The following SOX6 variants were observed in gnomAD, a reference collection of about 807,000 sequenced individuals.
SOX6 encodes SRY-box transcription factor 6, also known as transcription factor SOX-6.
A neutral mutation model predicts 97.8 loss-of-function variants in SOX6; 11 were observed. The ratio of observed to expected loss-of-function variants is 0.11; its 90% CI spans 0.07 to 0.19. SOX6 has a LOEUF of 0.19. SOX6 is among the 10% of genes least tolerant of loss of function. SOX6 has a pLI of 1.00. For missense variants in SOX6, 810 were observed against 1,039.5 expected, an observed-to-expected ratio of 0.78 and a Z score of 3.04; for synonymous variants, 360 against 371.4, an observed-to-expected ratio of 0.97 and a Z score of 0.35.
chr11:16,382,837 G>A (rs1042338011), intron 1 of SOX6, among the ~76,000 whole-genome samples: 4 of 151,792 alleles, frequency 2.6e-5, no homozygotes, highest in African/African-American at 4.8e-5. Context: ...ACTAGTAATG[G>A]CAGAGTCAGG....
upstream of SOX6, among the ~76,000 whole-genome samples, chr11:16,479,016 A>G (rs188804281): frequency 4.1e-4 from 62 of 152,296 alleles, no homozygotes; most frequent in Middle Eastern, 0.01. Context: ...ACCATGGGTT[A>G]AAGATCACAC....
At chr11:16,621,813 A>G (rs1293696347) in intron 3 of SOX6, among the ~76,000 whole-genome samples, 1 of 152,200 alleles carries the variant, frequency 6.6e-6, no homozygotes, top group African/African-American at 2.4e-5. Context: ...AGCATTCCTC[A>G]TAGGAGACAT....
chr11:16,364,186 A>C (rs562382156), intron 1 of SOX6, among the ~76,000 whole-genome samples: 9 of 152,262 alleles, frequency 5.9e-5, no homozygotes, highest in African/African-American at 1.9e-4. Context: ...CAGCTTCTGA[A>C]CCAAGATCCT....
chr11:16,649,658 C>G (rs767374326), intron 3 of SOX6, among the ~76,000 whole-genome samples: 4 of 151,614 alleles, frequency 2.6e-5, no homozygotes, highest in African/African-American at 4.9e-5. Context: ...CAAAATACAC[C>G]AAAACAGAAC....
At chr11:16,526,274 A>G (rs1176080854) in intron 4 of SOX6, among the ~76,000 whole-genome samples, 1 of 152,218 alleles carries the variant, frequency 6.6e-6, no homozygotes, top group Non-Finnish European at 1.5e-5. Context: ...AAAATGTGGC[A>G]CATATACACC....
At chr11:16,014,862 A>T in intron 13 of SOX6, 80 bp downstream of exon 13, 1 of 1,345,140 alleles carries the variant, frequency 7.4e-7, no homozygotes, top group Non-Finnish European at 1.1e-6. Context: ...ATGAAAAACT[A>T]TAAAGATCCT....
intron 3 of SOX6, among the ~76,000 whole-genome samples, chr11:16,713,974 A>T (rs1848199355): frequency 6.6e-6 from 1 of 152,184 alleles, no homozygotes; most frequent in South Asian, 2.1e-4. Context: ...ATGTTTTTTA[A>T]TTGCCATAAT....
At chr11:16,582,477 T>C (rs1282121454) in intron 4 of SOX6, among the ~76,000 whole-genome samples, 6 of 152,072 alleles carry the variant, frequency 3.9e-5, no homozygotes, top group Non-Finnish European at 8.8e-5. Context: ...CTATCTGGCA[T>C]AAAAAATAAA....
intron 6 of SOX6, among the ~76,000 whole-genome samples, chr11:16,145,675 A>G (rs1389086005): frequency 1.3e-5 from 2 of 152,184 alleles, no homozygotes; most frequent in Non-Finnish European, 2.9e-5. Context: ...AAATCAATGT[A>G]CAAAAATCAC....
In SOX6 at chr11:16,605,144, G is replaced by A. The variant is rs1194273963; in HGVS notation, n.609+6937C>T. 6.6e-6 allele frequency among the ~76,000 whole-genome samples: 1 copy of A among 151,926 alleles called. No individual in the cohort carries two copies. The highest frequency in any genetic ancestry group is 6.6e-5 in the Admixed American group (1 of 15,264). On this transcript the variant is annotated intron_variant and non_coding_transcript_variant, in intron 4 of 5. Coordinates refer to the SOX6 transcript ENST00000524520. The surrounding 1 kb of genome is among the most constrained non-coding windows in gnomAD (Gnocchi z 5.3). The stretch of plus-strand genomic sequence containing the variant: ...GCCCTGGGCCGAGCCCGGGAGCAGC[G>A]GACCGCGGCCCCGGCTGCAGAGGAA...
chr11:16,140,035 G>T lies in SOX6; in HGVS notation c.778-28112C>A, dbSNP rs1437474537. On this transcript the variant is annotated intron_variant, in intron 6 of 15. Coordinates refer to ENST00000683767, the MANE Select transcript of SOX6 (RefSeq NM_001367873.1). ...TATATGTGTGTGTGTATATTTATAT[G>T]TGTATATGCACACACACATACATGC... 2.7e-5 allele frequency among the ~76,000 whole-genome samples: 4 copies of T among 150,634 alleles called. 1 individual carries two copies. In the Admixed American group the frequency reaches 2.7e-4, roughly 10 times the overall value.
At position 16,413,422 on chromosome 11, in the gene SOX6, G is replaced by A. The variant is rs74836158; in HGVS notation, c.-5+62893C>T. Among the ~76,000 whole-genome samples the A allele has an allele frequency of 2.0e-3, 304 of 150,240 alleles. 8 individuals are homozygous for A. In the East Asian group the frequency reaches 0.038, roughly 19 times the overall value. On this transcript the variant is annotated intron_variant, in intron 1 of 15. Transcript: ENST00000396356. ...TGGATCCTCAAGTAATATAAAAACTGCTTAAAGGCCACTATAAACATGAAT... is the reference window on the plus strand; with the variant it reads ...TGGATCCTCAAGTAATATAAAAACTACTTAAAGGCCACTATAAACATGAAT...
intron 3 of SOX6, among the ~76,000 whole-genome samples, chr11:16,617,064 A>C (rs148464964): frequency 3.5e-4 from 53 of 152,030 alleles, no homozygotes; most frequent in Non-Finnish European, 5.0e-4. Flanking sequence ...ATCTTCCCAA[A>C]TTCAAACAAA....
intron 6 of SOX6, among the ~76,000 whole-genome samples, chr11:16,141,506 G>C (rs148078176): frequency 2.6e-5 from 4 of 152,210 alleles, no homozygotes; most frequent in Middle Eastern, 3.4e-3. Context: ...GGGGCTTGTC[G>C]GACAGTGGGT....
chr11:16,094,889 C>T (rs1848761747), intron 9 of SOX6, among the ~76,000 whole-genome samples: 2 of 151,818 alleles, frequency 1.3e-5, no homozygotes, highest in African/African-American at 4.8e-5. Flanking sequence ...AGGCTACTTC[C>T]AAGGGGGTCT....
upstream of SOX6, among the ~76,000 whole-genome samples, chr11:16,356,554 T>G (rs1447165376): frequency 6.6e-6 from 1 of 152,066 alleles, no homozygotes; most frequent in Non-Finnish European, 1.5e-5. Context: ...TATGAGCCCT[T>G]TGTGAGCACA....
At chr11:16,326,393 C>T (rs1299943969) in intron 2 of SOX6, among the ~76,000 whole-genome samples, 2 of 151,958 alleles carry the variant, frequency 1.3e-5, no homozygotes, top group Non-Finnish European at 2.9e-5. Context: ...AGGAAAAAAA[C>T]AACACTCAGC....
intron 1 of SOX6, among the ~76,000 whole-genome samples, chr11:16,369,430 G>T (rs985350305): frequency 1.3e-5 from 2 of 151,736 alleles, no homozygotes; most frequent in Non-Finnish European, 1.5e-5. Flanking sequence ...GCTTATTGTT[G>T]TCTGTTCCAT....
At chr11:16,202,598 C>T (rs896581642) in intron 4 of SOX6, among the ~76,000 whole-genome samples, 2 of 152,090 alleles carry the variant, frequency 1.3e-5, no homozygotes, top group Non-Finnish European at 2.9e-5. Context: ...ACCAATTTCT[C>T]ACTAACATTA....
Sources: gnomAD v4.1 joint callset for allele counts (sites outside exome capture counted in the v4.1 genomes callset) on GRCh38, gnomAD v4.1.1 for gene constraint, Gnocchi (gnomAD v3.1) non-coding constraint, MANE v1.5 for transcripts, NCBI Gene and HGNC (gene_info 2026-07-23, HGNC 2026-07-21) for gene names.